The following THSD7A variants were observed in gnomAD, a reference collection of about 807,000 sequenced individuals.
THSD7A encodes thrombospondin type-1 domain-containing protein 7A.
A neutral mutation model predicts 231.3 loss-of-function variants in THSD7A; 96 were observed. The observed-to-expected ratio is 0.41, with a 90% confidence interval of 0.35 to 0.49. The LOEUF (loss-of-function observed/expected upper bound fraction) is 0.49. Among genes scored for constraint, THSD7A ranks in the 20% least tolerant of loss-of-function variants. THSD7A has a pLI of 0.05. For synonymous variants in THSD7A, 940 were observed against 743.3 expected (o/e 1.26, Z -4.30); for missense variants, 2,290 against 2,070.2 (o/e 1.11, Z -2.06).
intron 1 of THSD7A, among the ~76,000 whole-genome samples, chr7:11,697,116 T>C (rs766253579): frequency 6.6e-6 from 1 of 151,488 alleles, no homozygotes; most frequent in Non-Finnish European, 1.5e-5. Context: ...TCTTTCAACA[T>C]ATGAGCTCCA....
intron 2 of THSD7A, among the ~76,000 whole-genome samples, chr7:11,631,353 A>G (rs886216363): frequency 3.9e-5 from 6 of 152,044 alleles, no homozygotes; most frequent in African/African-American, 1.4e-4. Context: ...AAGGCAGGGG[A>G]GTGGAGTAAA....
intron 6 of THSD7A, among the ~76,000 whole-genome samples, chr7:11,534,764 T>C (rs1380535518): frequency 3.3e-5 from 5 of 152,182 alleles, no homozygotes; most frequent in African/African-American, 1.2e-4. Context: ...AGCAAGAGGC[T>C]CACTAATGTG....
At chr7:11,468,037 G>T (rs1785778275) in intron 9 of THSD7A, among the ~76,000 whole-genome samples, 1 of 151,826 alleles carries the variant, frequency 6.6e-6, no homozygotes, top group Admixed American at 6.6e-5. Context: ...TTTTTTAAAA[G>T]AGTAATTTAC....
chr7:11,731,340 C>G (rs1781725420), intron 1 of THSD7A, among the ~76,000 whole-genome samples: 1 of 151,462 alleles, frequency 6.6e-6, no homozygotes, highest in African/African-American at 2.4e-5. Flanking sequence ...CCCAAAAGTA[C>G]CTACCATGCT....
chr7:11,486,948 C>T (rs1021033419), intron 6 of THSD7A, among the ~76,000 whole-genome samples: 24 of 152,166 alleles, frequency 1.6e-4, no homozygotes, highest in South Asian at 4.2e-4. Context: ...GAATACCCTA[C>T]GAAAGAGGTT....
chr7:11,550,152 A>T (rs942590056), intron 4 of THSD7A, among the ~76,000 whole-genome samples: 9 of 152,142 alleles, frequency 5.9e-5, no homozygotes, highest in African/African-American at 2.2e-4. Flanking sequence ...CAGGATACAA[A>T]ATCAATGTAT....
chr7:11,466,171 C>T (rs900994187), intron 9 of THSD7A, among the ~76,000 whole-genome samples: 1 of 152,140 alleles, frequency 6.6e-6, no homozygotes, highest in African/African-American at 2.4e-5. Context: ...ATAAGCCCAA[C>T]ATCTTTGTAA....
intron 23 of THSD7A, among the ~76,000 whole-genome samples, chr7:11,386,209 C>A (rs1254143787): frequency 2.0e-5 from 3 of 152,014 alleles, no homozygotes. Context: ...TAGAATGGTT[C>A]ATAATCCTTT....
intron 1 of THSD7A, among the ~76,000 whole-genome samples, chr7:11,798,804 A>T (rs1188389641): frequency 6.6e-6 from 1 of 152,186 alleles, no homozygotes; most frequent in Non-Finnish European, 1.5e-5. Context: ...TTTTTTAGAA[A>T]ACAGTACTCT....
At chr7:11,611,402 C>T (rs923639882) in intron 2 of THSD7A, among the ~76,000 whole-genome samples, 3 of 151,542 alleles carry the variant, frequency 2.0e-5, no homozygotes, top group Admixed American at 6.6e-5. Flanking sequence ...TAAGGCTATT[C>T]TTCAGAGTGT....
At position 11,832,161 on chromosome 7, in the gene THSD7A, G is replaced by A. The variant is rs113779084; in HGVS notation, c.-215C>T. On this transcript the variant is annotated 5_prime_UTR_variant, in exon 1 of 28. Coordinates refer to ENST00000423059, the MANE Select transcript of THSD7A (RefSeq NM_015204.3). ...CGCTGCCGCCGCCGCCGCCGCCTCT[G>A]GCGGGGATGCTGCTGCCGCTGCCAT... 85,476 of 329,618 alleles carry A rather than the reference G, an allele frequency of 0.26. 13,241 individuals are homozygous for A. The highest frequency in any genetic ancestry group is 0.38 in the South Asian group (2,835 of 7,488). The allele number at this position is 329,618 out of a possible 1,614,324, so 20.4% of individuals were successfully genotyped here.
intron 3 of THSD7A, among the ~76,000 whole-genome samples, chr7:11,591,654 G>T (rs972198780): frequency 1.3e-5 from 2 of 152,166 alleles, no homozygotes; most frequent in Non-Finnish European, 2.9e-5. Flanking sequence ...AATTTTATAA[G>T]TGGGGATTTG....
intron 22 of THSD7A, 126 bp from the exon 23 acceptor site, chr7:11,402,094 T>C: frequency 1.4e-6 from 1 of 703,646 alleles, no homozygotes; most frequent in Non-Finnish European, 2.3e-6. Flanking sequence ...ATTTATAAGA[T>C]TTAAATAAGC....
chr7:11,640,398 T>C (rs1459088447), intron 1 of THSD7A, among the ~76,000 whole-genome samples: 1 of 152,168 alleles, frequency 6.6e-6, no homozygotes, highest in Non-Finnish European at 1.5e-5. Context: ...AGTATATCAT[T>C]GATTATCTAG....
At chr7:11,782,056 C>T (rs554637058) in intron 1 of THSD7A, among the ~76,000 whole-genome samples, 2 of 152,122 alleles carry the variant, frequency 1.3e-5, no homozygotes, top group South Asian at 4.1e-4. Flanking sequence ...AACAAATGTG[C>T]CCTGGGAAGA....
intron 1 of THSD7A, among the ~76,000 whole-genome samples, chr7:11,759,138 C>A (rs1782777426): frequency 6.6e-6 from 1 of 151,876 alleles, no homozygotes; most frequent in African/African-American, 2.4e-5. Context: ...AGGAAAGGAG[C>A]AACCATGAGT....
intron 1 of THSD7A, among the ~76,000 whole-genome samples, chr7:11,802,657 T>A (rs1366206786): frequency 6.6e-6 from 1 of 152,210 alleles, no homozygotes. Flanking sequence ...TTAGTTAACA[T>A]TTTTATGATT....
chr7:11,567,411 T>G (rs1790403012), intron 4 of THSD7A, among the ~76,000 whole-genome samples: 1 of 152,182 alleles, frequency 6.6e-6, no homozygotes, highest in African/African-American at 2.4e-5. Flanking sequence ...TCCACCTGGT[T>G]TCTTCCTTCA....
intron 1 of THSD7A, among the ~76,000 whole-genome samples, chr7:11,646,531 C>T (rs1782288808): frequency 6.6e-6 from 1 of 151,906 alleles, no homozygotes; most frequent in Non-Finnish European, 1.5e-5. Flanking sequence ...CAAAGAATAG[C>T]ACTAAGAACT....
Sources: allele counts gnomAD v4.1 joint callset (sites outside exome capture counted in the v4.1 genomes callset), GRCh38; gene constraint gnomAD v4.1.1; transcripts MANE v1.5; gene names NCBI Gene and HGNC (gene_info 2026-07-23, HGNC 2026-07-21).